The following PRTFDC1 variants were observed in gnomAD, a reference collection of about 807,000 sequenced individuals.
The protein encoded by PRTFDC1 is phosphoribosyl transferase domain containing 1.
Under a neutral mutation model 34.6 loss-of-function variants are expected in PRTFDC1, and 38 were observed. The observed-to-expected ratio is 1.10, with a 90% CI of 0.85 to 1.44. The LOEUF is 1.44. Among genes scored for constraint, PRTFDC1 ranks in the 40% most tolerant of loss-of-function variants. The probability of loss-of-function intolerance (pLI) is 0.00; values close to 1 mark genes in which losing one functional copy is unlikely to be tolerated. For synonymous variants in PRTFDC1, 93 were observed against 98.1 expected (o/e 0.95, Z 0.31); for missense variants, 270 against 283.0 (o/e 0.95, Z 0.33).
chr10:24,880,920 CCT>C (rs746794619), intron 3 of PRTFDC1, among the ~76,000 whole-genome samples: 4 of 139,028 alleles, frequency 2.9e-5, no homozygotes, highest in South Asian at 2.3e-4. Context: ...TTCTTTCTTC[CCT>C]CTTTCTTTCC....
chr10:24,882,216 A>AAAAAAAG (rs1213217923), intron 3 of PRTFDC1, among the ~76,000 whole-genome samples: 157 of 116,116 alleles, frequency 1.4e-3, no homozygotes, highest in African/African-American at 3.7e-3. Flanking sequence ...AAAAAAAAAA[A>AAAAAAAG]AAAGAAAAGA....
chr10:24,920,507 G>A (rs1490238960), intron 3 of PRTFDC1, among the ~76,000 whole-genome samples: 1 of 152,070 alleles, frequency 6.6e-6, no homozygotes, highest in African/African-American at 2.4e-5. Context: ...ACAAGGAGGG[G>A]AACAACACAC....
intron 1 of PRTFDC1, among the ~76,000 whole-genome samples, chr10:24,950,609 C>T (rs1326612498): frequency 6.6e-6 from 1 of 152,088 alleles, no homozygotes; most frequent in Non-Finnish European, 1.5e-5. Context: ...GTCCCTGTAA[C>T]ATCTGACACT....
chr10:24,865,873 C>A (rs1161612554), intron 4 of PRTFDC1, among the ~76,000 whole-genome samples: 1 of 151,988 alleles, frequency 6.6e-6, no homozygotes, highest in Non-Finnish European at 1.5e-5. Context: ...GAATATAAAC[C>A]CCATGGAAAA....
In PRTFDC1 at chr10:24,946,243, G is replaced by A. The variant is rs141821108; in HGVS notation, c.49-3807C>T. On this transcript the variant is annotated intron_variant, in intron 1 of 8. Transcript: ENST00000320152. ...CTGACACTTACTACTGTGATGTTAG[G>A]GAGATGACTTACTGTCTCTGAGATC... is the stretch of plus-strand genomic sequence containing the variant. Among the ~76,000 whole-genome samples the A allele has an allele frequency of 1.7e-3, 259 of 152,094 alleles. 4 individuals are homozygous for A. Among genetic ancestry groups the A allele is most frequent in the African/African-American group, 6.1e-3 (252 of 41,474 alleles).
chr10:24,877,946 T>C (rs191760736), intron 3 of PRTFDC1, among the ~76,000 whole-genome samples: 12 of 151,798 alleles, frequency 7.9e-5, no homozygotes, highest in East Asian at 7.8e-4. Flanking sequence ...TGATCTCCAA[T>C]TTGCAAATGA....
intron 4 of PRTFDC1, among the ~76,000 whole-genome samples, chr10:24,861,843 A>G (rs1847685274): frequency 6.6e-6 from 1 of 152,028 alleles, no homozygotes; most frequent in East Asian, 1.9e-4. Context: ...TCTCGATCAT[A>G]GCTCCCTGTA....
At chr10:24,893,001 G>A (rs961879114) in intron 3 of PRTFDC1, among the ~76,000 whole-genome samples, 6 of 152,130 alleles carry the variant, frequency 3.9e-5, no homozygotes, top group Non-Finnish European at 7.3e-5. Context: ...CTAGCTATCC[G>A]TAGATAAGAC....
intron 3 of PRTFDC1, among the ~76,000 whole-genome samples, chr10:24,889,208 G>T (rs548745756): frequency 6.6e-5 from 10 of 152,162 alleles, no homozygotes; most frequent in Admixed American, 3.9e-4. Flanking sequence ...CAGCAAGAAG[G>T]CACCATCTAT....
intron 3 of PRTFDC1, among the ~76,000 whole-genome samples, chr10:24,880,847 CT>C (rs1848063022): frequency 2.0e-5 from 3 of 149,102 alleles, no homozygotes; most frequent in African/African-American, 7.5e-5. Flanking sequence ...TTCTTTCTTT[CT>C]TTCTTTCTTT....
chr10:24,925,934 G>T (rs941878831), intron 3 of PRTFDC1, among the ~76,000 whole-genome samples: 1 of 152,198 alleles, frequency 6.6e-6, no homozygotes, highest in South Asian at 2.1e-4. Context: ...TGGTCTTTCT[G>T]CTCTGTTCCC....
intron 3 of PRTFDC1, among the ~76,000 whole-genome samples, chr10:24,920,568 G>A (rs1848772801): frequency 6.9e-6 from 1 of 144,558 alleles, no homozygotes; most frequent in African/African-American, 2.8e-5. Context: ...AGGATAAATA[G>A]CTAACACATG....
At chr10:24,873,235 A>AAAAC (rs1331677952) in intron 3 of PRTFDC1, among the ~76,000 whole-genome samples, 2 of 152,156 alleles carry the variant, frequency 1.3e-5, no homozygotes, top group Non-Finnish European at 2.9e-5. Context: ...GAAACCTCAC[A>AAAAC]AAACAAACAA....
intron 1 of PRTFDC1, among the ~76,000 whole-genome samples, chr10:24,945,950 G>T (rs538237402): frequency 1.3e-5 from 2 of 152,280 alleles, no homozygotes; most frequent in African/African-American, 4.8e-5. Context: ...GATTCTAGGA[G>T]AGCCTCTGGC....
intron 3 of PRTFDC1, among the ~76,000 whole-genome samples, chr10:24,893,377 C>T (rs1213711355): frequency 6.6e-6 from 1 of 152,160 alleles, no homozygotes; most frequent in East Asian, 1.9e-4. Context: ...CAGCCTTGAG[C>T]TCCTGCACTC....
At chr10:24,908,563 G>A in intron 3 of PRTFDC1, 1 of 1,612,804 alleles carries the variant, frequency 6.2e-7, no homozygotes, top group Non-Finnish European at 8.5e-7. Context: ...TGAGCACTTG[G>A]AGGTAACCTC....
chr10:24,850,845 A>C (rs16925079), intron 8 of PRTFDC1, among the ~76,000 whole-genome samples: 3,380 of 152,160 alleles, frequency 0.022, 123 homozygotes, highest in African/African-American at 0.077. Context: ...TTTTGGTTTA[A>C]ATTTCTAATT....
At position 24,908,479 on chromosome 10, in the gene PRTFDC1, T is replaced by C. The variant is rs753168529; in HGVS notation, c.339+28705A>G. 18 of 1,609,334 alleles carry C rather than the reference T, an allele frequency of 1.1e-5. No homozygotes were observed. In the Admixed American group the frequency reaches 2.0e-4, roughly 18 times the overall value. On this transcript the variant is annotated intron_variant, in intron 3 of 8. Transcript: ENST00000320152. ...AGCCCTAGAATGGTCCAGGTGCTACTGTACACCTCACTGGATCTCAGACCT... is the reference window on the plus strand; with the variant it reads ...AGCCCTAGAATGGTCCAGGTGCTACCGTACACCTCACTGGATCTCAGACCT...
intron 3 of PRTFDC1, among the ~76,000 whole-genome samples, chr10:24,900,363 C>G (rs1380941252): frequency 6.6e-6 from 1 of 152,244 alleles, no homozygotes; most frequent in Non-Finnish European, 1.5e-5. Context: ...CTCAAAGAGG[C>G]AGAGAAACTA....
Sources: gnomAD v4.1 joint callset for allele counts (sites outside exome capture counted in the v4.1 genomes callset) on GRCh38, gnomAD v4.1.1 for gene constraint, MANE v1.5 for transcripts, NCBI Gene and HGNC (gene_info 2026-07-23, HGNC 2026-07-21) for gene names.